Variants in NINL observed in about 807,000 individuals in gnomAD.
The protein encoded by NINL is ninein-like protein.
In NINL, 153 loss-of-function variants were observed where a neutral mutation model predicts 160.3. That is an observed-to-expected ratio of 0.95 (90% CI 0.84 to 1.09). The LOEUF (loss-of-function observed/expected upper bound fraction) is 1.09, where lower values mean the gene tolerates loss of function less well. NINL is among the 50% of genes least tolerant of loss of function. NINL has a pLI of 0.00. For missense variants in NINL, 1,829 were observed against 1,764.0 expected (o/e 1.04, Z -0.66); for synonymous variants, 800 against 734.8 (o/e 1.09, Z -1.43).
At chr20:25,489,846 G>A (rs1008781739) in intron 12 of NINL, 29 bp downstream of exon 12, 1 of 1,599,654 alleles carries the variant, frequency 6.3e-7, no homozygotes, top group Non-Finnish European at 8.6e-7. Flanking sequence ...CCTCCCCTCT[G>A]GAGGCAGACT....
chr20:25,469,966 G>A (rs778139821), intron 18 of NINL, 25 bp downstream of exon 18: 2 of 1,555,136 alleles, frequency 1.3e-6, no homozygotes, highest in Non-Finnish European at 1.8e-6. Context: ...CCCCCAGAAG[G>A]TCTGGGTAGG....
intron 9 of NINL, among the ~76,000 whole-genome samples, chr20:25,497,178 C>T (rs192533344): frequency 8.5e-5 from 13 of 152,334 alleles, no homozygotes; most frequent in Middle Eastern, 3.4e-3. Context: ...AATTCAGTAA[C>T]GGGCATGTGG....
At chr20:25,478,733 T>C in intron 16 of NINL, 190 bp downstream of exon 16, 1 of 571,560 alleles carries the variant, frequency 1.7e-6, no homozygotes, top group East Asian at 2.8e-5. Context: ...CATGATCCAA[T>C]GTATATTTTA....
At chr20:25,515,968 G>A (rs145001262) in intron 3 of NINL, among the ~76,000 whole-genome samples, 3,188 of 152,032 alleles carry the variant, frequency 0.021, 99 homozygotes, top group African/African-American at 0.072. Flanking sequence ...GTAGAGACGG[G>A]GTTTCACCAT....
At chr20:25,561,562 G>A (rs916555305) in intron 1 of NINL, among the ~76,000 whole-genome samples, 3 of 150,988 alleles carry the variant, frequency 2.0e-5, no homozygotes, top group African/African-American at 4.9e-5. Flanking sequence ...GTCTCTGCCC[G>A]GCCGCCATCC....
At chr20:25,522,468 T>C (rs1377847595) in intron 2 of NINL, among the ~76,000 whole-genome samples, 1 of 152,218 alleles carries the variant, frequency 6.6e-6, no homozygotes, top group African/African-American at 2.4e-5. Context: ...ATTTTTCCTA[T>C]CTGAATCAAT....
chr20:25,467,421 C>A lies in NINL; in HGVS notation c.3391G>T (p.Ala1131Ser). ...TTGAGCACCTCCATCTCAGAGCAGG[C>A]CTTTTCCTTGTCTTTCTTTAAAACC... ...IEVLKKDKEK[A>S]CSEMEVLNRQ... The change falls in exon 19 of 24, where the codon GCC (alanine) becomes TCC (serine). Residue 1131 changes from alanine to serine, a missense_variant. By Grantham distance (99) the Ala-to-Ser change is moderately conservative. Coordinates refer to ENST00000278886, the MANE Select transcript of NINL (RefSeq NM_025176.6). 2 of 1,614,110 alleles carry A rather than the reference C, an allele frequency of 1.2e-6. No homozygotes were observed. The highest frequency in any genetic ancestry group is 1.7e-6 in the Non-Finnish European group (2 of 1,179,940).
chr20:25,483,130 C>T (rs1227772113), intron 13 of NINL, among the ~76,000 whole-genome samples: 2 of 148,932 alleles, frequency 1.3e-5, no homozygotes, highest in South Asian at 2.1e-4. Context: ...GTCAAGAGAT[C>T]GAGACCATCC....
chr20:25,470,113 A>G lies in NINL; in HGVS notation c.3249-18T>C, dbSNP rs762078687. The G allele has an allele frequency of 1.8e-5, 29 of 1,605,198 alleles. No individual in the cohort carries two copies. Among genetic ancestry groups the G allele is most frequent in the Non-Finnish European group, 2.5e-5 (29 of 1,172,442 alleles). On this transcript the variant is annotated intron_variant, in intron 17 of 23. Transcript: ENST00000278886. ...ACTCCAGTCTGCGTAAAAATTGAGA[A>G]AAGACCGGTGAGCACTTGGGGAGCC...
chr20:25,526,413 C>A lies in NINL; in HGVS notation c.175G>T (p.Ala59Ser), dbSNP rs535961617. Residue 59 changes from alanine (A) to serine (S), a missense_variant, in exon 2 of 24, where the codon GCC (alanine) becomes TCC (serine). Physicochemically the swap from Ala to Ser is moderately conservative, Grantham distance 99. Coordinates refer to ENST00000278886, the MANE Select transcript of NINL (RefSeq NM_025176.6). Reference protein sequence around the residue: ...LQTLLGNDHFARVNFEEFKEG... With the variant: ...LQTLLGNDHFSRVNFEEFKEG... Reference sequence around the variant, plus strand: ...CAATGAAGTCCAACACTCACCCTGGCGAAATGGTCGTTTCCGAGAAGCGTC... The same window carrying A: ...CAATGAAGTCCAACACTCACCCTGGAGAAATGGTCGTTTCCGAGAAGCGTC... 1 of 1,609,878 alleles carries A rather than the reference C, an allele frequency of 6.2e-7. No individual in the cohort carries two copies. Among genetic ancestry groups the A allele is most frequent in the South Asian group, 1.1e-5 (1 of 90,846 alleles).
rs368748 is a variant in NINL, at chr20:25,501,043, C to T, written c.862-33G>A. 10,103 of 1,602,778 alleles carry T rather than the reference C, an allele frequency of 6.3e-3. 387 individuals are homozygous for T. In the African/African-American group the frequency reaches 0.092, roughly 15 times the overall value. ...TCAGGAAGACTTCCATAGCGCCCAG[C>T]GTCCAAAGCCTCACGCCTGTGTGCT... On this transcript the variant is annotated intron_variant, in intron 7 of 23. Coordinates refer to ENST00000278886, the MANE Select transcript of NINL (RefSeq NM_025176.6).
intron 1 of NINL, among the ~76,000 whole-genome samples, chr20:25,545,477 C>G (rs6050672): frequency 8.1e-5 from 11 of 135,610 alleles, no homozygotes; most frequent in African/African-American, 3.2e-4. Context: ...AATTCTGAGC[C>G]CCCCCCCATT....
At chr20:25,537,424 G>A (rs1319491358) in intron 1 of NINL, among the ~76,000 whole-genome samples, 1 of 152,152 alleles carries the variant, frequency 6.6e-6, no homozygotes, top group African/African-American at 2.4e-5. Context: ...GTTATTTGAC[G>A]AAACAAAAAC....
At position 25,476,080 on chromosome 20, in the gene NINL, C is replaced by T; in HGVS notation, c.3211G>A (p.Ala1071Thr). 6.2e-7 allele frequency: 1 copy of T among 1,613,912 alleles called. No homozygotes were observed. The highest frequency in any genetic ancestry group is 8.5e-7 in the Non-Finnish European group (1 of 1,179,760). The change falls in exon 17 of 24, where the codon GCT becomes ACT. Residue 1071 changes from alanine to threonine, a missense_variant. Physicochemically the swap from Ala to Thr is moderately conservative, Grantham distance 58 (BLOSUM62 0). Transcript: ENST00000278886. ...CTCAAATCTACATGTTTCTCCAGAG[C>T]CCGGACGACGTCTTCCAGATGTAGA... ...KLLHLEDVVR[A>T]LEKHVDLREN...
chr20:25,484,306 G>A (rs994409905), intron 13 of NINL, among the ~76,000 whole-genome samples: 6 of 152,170 alleles, frequency 3.9e-5, no homozygotes, highest in East Asian at 1.9e-4. Flanking sequence ...TCTGGAGACC[G>A]ACCAGAAAGA....
chr20:25,454,293 A>G (rs1181906481), intron 23 of NINL, among the ~76,000 whole-genome samples: 1 of 152,198 alleles, frequency 6.6e-6, no homozygotes, highest in African/African-American at 2.4e-5. Flanking sequence ...CAGCAAGGCC[A>G]GGAGCCAAGA....
chr20:25,482,065 C>G lies in NINL; in HGVS notation c.1713G>C (p.Glu571Asp). ...LQDRNDELQAELEGLWARLPK... is the reference protein window; with the variant it reads ...LQDRNDELQADLEGLWARLPK... Reference sequence around the variant, plus strand: ...GCAGCCGCGCCCACAGGCCTTCCAGCTCAGCTTGCAGCTCATCGTTGCGGT... The same window carrying G: ...GCAGCCGCGCCCACAGGCCTTCCAGGTCAGCTTGCAGCTCATCGTTGCGGT... The change falls in exon 14 of 24, where the codon GAG (glutamate) becomes GAC (aspartate). Residue 571 changes from glutamate (E) to aspartate (D), a missense_variant. Transcript: ENST00000278886. The G allele has an allele frequency of 6.3e-7, 1 of 1,598,456 alleles. No individual in the cohort carries two copies. The highest frequency in any genetic ancestry group is 8.5e-7 in the Non-Finnish European group (1 of 1,179,708).
chr20:25,524,532 C>A (rs1195265429), intron 2 of NINL, among the ~76,000 whole-genome samples: 1 of 152,196 alleles, frequency 6.6e-6, no homozygotes, highest in African/African-American at 2.4e-5. Flanking sequence ...TTCTCATCCC[C>A]TCCCCACACA....
At chr20:25,468,856 G>A (rs1266005371) in intron 18 of NINL, among the ~76,000 whole-genome samples, 2 of 128,236 alleles carry the variant, frequency 1.6e-5, no homozygotes, top group Admixed American at 8.5e-5. Flanking sequence ...GCGCCCCACC[G>A]CCCTGTCCCC....
Sources: gnomAD v4.1 joint callset for allele counts (sites outside exome capture counted in the v4.1 genomes callset) on GRCh38, gnomAD v4.1.1 for gene constraint, MANE v1.5 for transcripts, NCBI Gene and HGNC (gene_info 2026-07-23, HGNC 2026-07-21) for gene names.